Variants in POTEF observed in about 807,000 individuals in gnomAD.
The protein encoded by POTEF is ANKRD26-like family C member 1B.
POTEF carries 20 observed loss-of-function variants against 83.2 expected under a neutral mutation model. The ratio of observed to expected loss-of-function variants is 0.24; its 90% confidence interval spans 0.17 to 0.35. POTEF has a LOEUF of 0.35. Ranked by LOEUF, POTEF falls within the 10% of genes least tolerant of loss-of-function variation. The pLI is 1.00. For missense variants in POTEF, 550 were observed against 1,203.2 expected, an observed-to-expected ratio of 0.46 and a Z score of 8.03; for synonymous variants, 196 against 446.4, an observed-to-expected ratio of 0.44 and a Z score of 7.07.
intron 8 of POTEF, among the ~76,000 whole-genome samples, chr2:130,105,343 C>T (rs1436098216): frequency 6.6e-6 from 1 of 151,454 alleles, no homozygotes; most frequent in Non-Finnish European, 1.5e-5. Context: ...GTTGAGATTC[C>T]TAACTTTATG....
intron 3 of POTEF, among the ~76,000 whole-genome samples, chr2:130,118,800 T>C (rs572126400): frequency 1.6e-3 from 241 of 152,004 alleles, no homozygotes; most frequent in South Asian, 7.0e-3. Context: ...TTTTAATCTA[T>C]ACTCTTATTT....
intron 2 of POTEF, among the ~76,000 whole-genome samples, chr2:130,126,814 A>G (rs1198449166): frequency 1.3e-5 from 2 of 151,956 alleles, no homozygotes; most frequent in Admixed American, 6.5e-5. Context: ...TGCTTGGCAT[A>G]AAGAAAACAA....
At chr2:130,103,505 A>G (rs1269710734) in intron 8 of POTEF, among the ~76,000 whole-genome samples, 1 of 134,924 alleles carries the variant, frequency 7.4e-6, no homozygotes, top group East Asian at 2.2e-4. Context: ...TTAGTACTTC[A>G]CTGATTTTTC....
Position 130,074,191 on chromosome 2 carries a change from G to GA in POTEF, c.*52dup, listed in dbSNP as rs1209814224. The GA allele has an allele frequency of 1.3e-6, 2 of 1,597,136 alleles. No homozygotes were observed. The highest frequency in any genetic ancestry group is 2.7e-5 in the African/African-American group (2 of 72,990). On this transcript the variant is annotated 3_prime_UTR_variant, in exon 17 of 17. Coordinates refer to ENST00000409914, the MANE Select transcript of POTEF (RefSeq NM_001099771.2). ...CCATGCCAATCTCATGTTGTTTTCTGAGAAGTTTGGTTTTGTCAAGAAAGG... is the reference window on the plus strand; with the variant it reads ...CCATGCCAATCTCATGTTGTTTTCTGAAGAAGTTTGGTTTTGTCAAGAAAGG...
At chr2:130,104,958 T>C (rs553223461) in intron 8 of POTEF, among the ~76,000 whole-genome samples, 16 of 151,184 alleles carry the variant, frequency 1.1e-4, no homozygotes, top group African/African-American at 3.7e-4. Context: ...TAAACGTGCA[T>C]AGAAAAACAT....
At chr2:130,107,517 A>T (rs2104809941) in intron 8 of POTEF, among the ~76,000 whole-genome samples, 1 of 151,092 alleles carries the variant, frequency 6.6e-6, no homozygotes, top group Non-Finnish European at 1.5e-5. Context: ...ACCACACCAC[A>T]CAGGAGGAGG....
In POTEF at chr2:130,075,498, T is replaced by A; in HGVS notation, c.1974A>T (p.Leu658=). The A allele has an allele frequency of 6.2e-7, 1 of 1,611,374 alleles. No individual in the cohort carries two copies. ...NSTLREEIAM[L]RLELDTMKHQ... ...GTTTCATTGTGTCTAGCTCCAGTCT[T>A]AGCATGGCAATTTCTTCCCGCAACG... is the stretch of plus-strand genomic sequence containing the variant. Residue 658 remains leucine (L), a synonymous_variant, in exon 17 of 17, where the codon CTA becomes CTT. Coordinates refer to ENST00000409914, the MANE Select transcript of POTEF (RefSeq NM_001099771.2).
At chr2:130,104,332 A>T (rs965989560) in intron 8 of POTEF, among the ~76,000 whole-genome samples, 5 of 144,838 alleles carry the variant, frequency 3.5e-5, no homozygotes, top group Non-Finnish European at 7.5e-5. Context: ...TTGAGTCAGC[A>T]ATCTTTAGAT....
intron 8 of POTEF, among the ~76,000 whole-genome samples, chr2:130,103,096 TTC>T (rs1684417476): frequency 8.2e-6 from 1 of 121,556 alleles, no homozygotes; most frequent in South Asian, 2.7e-4. Context: ...TCATTTTTCT[TTC>T]TTTCTTTTTT....
At chr2:130,104,253 T>C (rs906409879) in intron 8 of POTEF, among the ~76,000 whole-genome samples, 2 of 144,046 alleles carry the variant, frequency 1.4e-5, no homozygotes, top group Non-Finnish European at 3.0e-5. Flanking sequence ...AAAGTTATAG[T>C]GCCTATGAAT....
At chr2:130,103,232 A>C (rs963964964) in intron 8 of POTEF, among the ~76,000 whole-genome samples, 5 of 149,264 alleles carry the variant, frequency 3.3e-5, no homozygotes, top group African/African-American at 1.3e-4. Flanking sequence ...TCTCCGGAGA[A>C]GCTGGGATTA....
intron 1 of POTEF, among the ~76,000 whole-genome samples, chr2:130,128,403 G>A (rs1685150554): frequency 6.6e-6 from 1 of 151,794 alleles, no homozygotes; most frequent in Non-Finnish European, 1.5e-5. Flanking sequence ...GGCTGTTGCT[G>A]TCCCCACCAC....
At chr2:130,128,490 G>GC (rs1162607487) in intron 1 of POTEF, among the ~76,000 whole-genome samples, 2 of 140,910 alleles carry the variant, frequency 1.4e-5, no homozygotes, top group African/African-American at 5.2e-5. Context: ...CGGCAGTGTA[G>GC]CCCCCGGACA....
intron 2 of POTEF, among the ~76,000 whole-genome samples, chr2:130,126,466 T>C (rs1446659342): frequency 6.6e-6 from 1 of 152,036 alleles, no homozygotes; most frequent in Non-Finnish European, 1.5e-5. Context: ...GCCACCAATA[T>C]TTTTATGTGA....
At chr2:130,103,591 C>T (rs1263325961) in intron 8 of POTEF, among the ~76,000 whole-genome samples, 1 of 147,256 alleles carries the variant, frequency 6.8e-6, no homozygotes, top group Non-Finnish European at 1.5e-5. Flanking sequence ...CTGCAGAGGA[C>T]AGTCTTGAGC....
At chr2:130,102,595 T>C (rs1684403884) in intron 8 of POTEF, among the ~76,000 whole-genome samples, 1 of 148,788 alleles carries the variant, frequency 6.7e-6, no homozygotes, top group Admixed American at 6.8e-5. Context: ...CCAGGAAAGG[T>C]CGTGGTGACC....
chr2:130,102,941 C>T (rs1327506332), intron 8 of POTEF, among the ~76,000 whole-genome samples: 1 of 151,436 alleles, frequency 6.6e-6, no homozygotes, highest in African/African-American at 2.5e-5. Flanking sequence ...TCCTGTTTCA[C>T]CCACTTGGTC....
chr2:130,122,970 G>C (rs912848915), intron 2 of POTEF, among the ~76,000 whole-genome samples: 2 of 142,436 alleles, frequency 1.4e-5, no homozygotes, highest in African/African-American at 5.3e-5. Context: ...TTCCTATTTA[G>C]ATGCCTTTCC....
chr2:130,121,071 C>T (rs1212574873), intron 2 of POTEF, among the ~76,000 whole-genome samples: 3 of 151,702 alleles, frequency 2.0e-5, no homozygotes, highest in Non-Finnish European at 2.9e-5. Flanking sequence ...GTGCGGCGTG[C>T]GCGTGCAAGC....
Sources: gnomAD v4.1 joint callset for allele counts (sites outside exome capture counted in the v4.1 genomes callset) on GRCh38, gnomAD v4.1.1 for gene constraint, MANE v1.5 for transcripts, NCBI Gene and HGNC (gene_info 2026-07-23, HGNC 2026-07-21) for gene names.